RAPGEF4: variants seen among roughly 807,000 people sequenced by gnomAD.
RAPGEF4 encodes the protein RAP guanine-nucleotide-exchange factor (GEF) 4.
In RAPGEF4, 66 loss-of-function variants were observed where a neutral mutation model predicts 147.9. That is an observed-to-expected ratio of 0.45 (90% CI 0.37 to 0.55). The LOEUF is 0.55. Among genes scored for constraint, RAPGEF4 ranks in the 20% least tolerant of loss-of-function variants. The pLI, the probability that RAPGEF4 is intolerant of heterozygous loss-of-function variation, is 0.00. For missense variants in RAPGEF4, 1,071 were observed against 1,257.3 expected (o/e 0.85, Z 2.24); for synonymous variants, 419 against 442.7 (o/e 0.95, Z 0.67).
intron 23 of RAPGEF4, among the ~76,000 whole-genome samples, chr2:173,021,179 G>A (rs1696049140): frequency 6.6e-6 from 1 of 152,144 alleles, no homozygotes; most frequent in Non-Finnish European, 1.5e-5. Context: ...CCTTCCCTAA[G>A]TCTCCAAAAA....
At position 173,026,649 on chromosome 2, in the gene RAPGEF4, A is replaced by G. The variant is rs758232250; in HGVS notation, c.2331A>G (p.Ala777=). The change falls in exon 24 of 31, where the codon GCA becomes GCG. Residue 777 remains alanine, a synonymous_variant. Coordinates refer to ENST00000397081, the MANE Select transcript of RAPGEF4 (RefSeq NM_007023.4). ...TFELMSSKDL[A]YQMTIYDWEL... is the part of the protein sequence containing the mutation. ...AACTGATGAGCTCCAAAGATTTAGC[A>G]TACCAGATGACAATTTATGATTGGG... is the stretch of plus-strand genomic sequence containing the variant. 2 of 1,614,108 alleles carry G rather than the reference A, an allele frequency of 1.2e-6. No individual in the cohort carries two copies. The highest frequency in any genetic ancestry group is 1.3e-5 in the African/African-American group (1 of 75,042).
At position 173,026,634 on chromosome 2, in the gene RAPGEF4, C is replaced by T. The variant is rs1441605084; in HGVS notation, c.2316C>T (p.Ser772=). 1.2e-6 allele frequency: 2 copies of T among 1,613,728 alleles called. No homozygotes were observed. Among genetic ancestry groups the T allele is most frequent in the Admixed American group, 3.3e-5 (2 of 60,004 alleles). The change falls in exon 24 of 31, where the codon AGC becomes AGT. Residue 772 remains serine (S), a synonymous_variant. Transcript: ENST00000397081. ...VGTVGTFELM[S]SKDLAYQMTI... is the part of the protein sequence containing the mutation. ...CAGTGGGAACTTTTGAACTGATGAG[C>T]TCCAAAGATTTAGCATACCAGATGA...
chr2:172,867,419 G>A (rs978543880), intron 4 of RAPGEF4, among the ~76,000 whole-genome samples: 10 of 152,068 alleles, frequency 6.6e-5, no homozygotes, highest in Admixed American at 6.5e-4. Context: ...GGGTCAATGA[G>A]ATACAAACTT....
chr2:172,844,843 C>T (rs1691996086), intron 4 of RAPGEF4, among the ~76,000 whole-genome samples: 1 of 152,212 alleles, frequency 6.6e-6, no homozygotes, highest in South Asian at 2.1e-4. Flanking sequence ...AGTTTAATGT[C>T]ATCTACGATG....
At chr2:172,834,873 AT>A (rs988223759) in intron 4 of RAPGEF4, among the ~76,000 whole-genome samples, 40 of 152,114 alleles carry the variant, frequency 2.6e-4, no homozygotes, top group Non-Finnish European at 5.4e-4. Flanking sequence ...TCTTTCTTTG[AT>A]TTTTTTCTTA....
At chr2:172,878,396 A>T (rs1696206918) in intron 4 of RAPGEF4, among the ~76,000 whole-genome samples, 1 of 152,210 alleles carries the variant, frequency 6.6e-6, no homozygotes, top group African/African-American at 2.4e-5. Context: ...TCTCTGTGAC[A>T]GTCTTATTTC....
chr2:172,843,220 C>A (rs1364382565), intron 4 of RAPGEF4, among the ~76,000 whole-genome samples: 1 of 152,032 alleles, frequency 6.6e-6, no homozygotes, highest in Non-Finnish European at 1.5e-5. Context: ...GAGAAATTAC[C>A]AGGAATAATA....
At chr2:172,891,036 C>T (rs968271461) in intron 4 of RAPGEF4, among the ~76,000 whole-genome samples, 1 of 152,086 alleles carries the variant, frequency 6.6e-6, no homozygotes, top group African/African-American at 2.4e-5. Context: ...GAGGCTGAGG[C>T]ATGAGAATCG....
rs1353395266 is a variant in RAPGEF4 at position 173,024,367 on chromosome 2, G to A, written c.2254-2205G>A. On this transcript the variant is annotated intron_variant, in intron 23 of 30. Coordinates refer to ENST00000397081, the MANE Select transcript of RAPGEF4 (RefSeq NM_007023.4). ...CAAGTAGCTGGGACTACAGGCGCCC[G>A]CCACTACGCCCGGCTAATTTTTTGT... 1.1e-4 allele frequency among the ~76,000 whole-genome samples: 16 copies of A among 149,352 alleles called. 1 individual carries two copies. The highest frequency in any genetic ancestry group is 2.4e-4 in the African/African-American group (10 of 41,024).
At chr2:172,806,360 A>G (rs928167135) in intron 3 of RAPGEF4, among the ~76,000 whole-genome samples, 12 of 152,180 alleles carry the variant, frequency 7.9e-5, no homozygotes, top group South Asian at 6.2e-4. Flanking sequence ...TATTTACCCA[A>G]TGCAACCCAC....
At chr2:172,900,024 G>A (rs146854889) in intron 4 of RAPGEF4, among the ~76,000 whole-genome samples, 5 of 152,262 alleles carry the variant, frequency 3.3e-5, no homozygotes, top group Non-Finnish European at 5.9e-5. Flanking sequence ...CTGGACACAT[G>A]GGCACCCAGG....
At chr2:172,741,451 A>G (rs905637320) in intron 1 of RAPGEF4, among the ~76,000 whole-genome samples, 1 of 152,166 alleles carries the variant, frequency 6.6e-6, no homozygotes, top group Non-Finnish European at 1.5e-5. Flanking sequence ...TTTGCTGGGG[A>G]AGGGCGTGGG....
intron 1 of RAPGEF4, among the ~76,000 whole-genome samples, chr2:172,780,996 A>G (rs769311054): frequency 4.6e-5 from 7 of 152,160 alleles, no homozygotes; most frequent in Non-Finnish European, 1.0e-4. Flanking sequence ...CTATTCATTC[A>G]TAGGGTACAT....
At chr2:172,996,399 A>C in intron 15 of RAPGEF4, 67 bp from the exon 16 acceptor site, 1 of 894,414 alleles carries the variant, frequency 1.1e-6, no homozygotes, top group Non-Finnish European at 1.7e-6. Context: ...AAACTTAGAT[A>C]AGTAAAAGTT....
At chr2:172,927,565 G>A (rs758661174) in intron 6 of RAPGEF4, among the ~76,000 whole-genome samples, 4 of 151,996 alleles carry the variant, frequency 2.6e-5, no homozygotes, top group Non-Finnish European at 4.4e-5. Context: ...AAGCCCAGGA[G>A]TTGAGGCTAC....
At chr2:172,902,477 AT>A (rs2149965919) in intron 4 of RAPGEF4, among the ~76,000 whole-genome samples, 1 of 151,750 alleles carries the variant, frequency 6.6e-6, no homozygotes, top group South Asian at 2.1e-4. Context: ...TAATTTTTGT[AT>A]TTTTTGTAGA....
intron 10 of RAPGEF4, among the ~76,000 whole-genome samples, chr2:172,976,425 G>GATCTTAAC (rs1196305714): frequency 1.3e-5 from 2 of 152,186 alleles, no homozygotes; most frequent in Non-Finnish European, 2.9e-5. Context: ...GAGATCTTAA[G>GATCTTAAC]ATCTTAACAG....
chr2:173,022,385 G>A (rs1439255449), intron 23 of RAPGEF4, among the ~76,000 whole-genome samples: 1 of 152,202 alleles, frequency 6.6e-6, no homozygotes, highest in Admixed American at 6.5e-5. Flanking sequence ...AGTACCCTGG[G>A]CATGAACTTC....
intron 12 of RAPGEF4, among the ~76,000 whole-genome samples, chr2:172,987,705 T>G (rs1298410026): frequency 2.6e-5 from 4 of 152,220 alleles, no homozygotes; most frequent in Non-Finnish European, 5.9e-5. Flanking sequence ...AATACACCAC[T>G]TTATATCAGG....
Sources: allele counts gnomAD v4.1 joint callset (sites outside exome capture counted in the v4.1 genomes callset), GRCh38; gene constraint gnomAD v4.1.1; transcripts MANE v1.5; gene names NCBI Gene and HGNC (gene_info 2026-07-23, HGNC 2026-07-21).